The following FAM204A variants were observed in gnomAD, a reference collection of about 807,000 sequenced individuals.
The protein encoded by FAM204A is protein FAM204A.
FAM204A carries 16 observed loss-of-function variants against 35.4 expected under a neutral mutation model. That is an observed-to-expected ratio of 0.45 (90% CI 0.31 to 0.69). The LOEUF (loss-of-function observed/expected upper bound fraction) is 0.69. FAM204A is among the 30% of genes least tolerant of loss of function. The pLI is 0.07. For synonymous variants in FAM204A, 76 were observed against 86.9 expected, an observed-to-expected ratio of 0.88 and a Z score of 0.70; for missense variants, 240 against 265.7, an observed-to-expected ratio of 0.90 and a Z score of 0.67.
At chr10:118,311,639 C>T (rs1386911092) in intron 7 of FAM204A, among the ~76,000 whole-genome samples, 1 of 152,128 alleles carries the variant, frequency 6.6e-6, no homozygotes, top group Non-Finnish European at 1.5e-5. Context: ...GGAATTTACC[C>T]CTGATAAGGC....
rs1845786108 is a variant in FAM204A, at chr10:118,299,551, T to C, written c.*11306A>G. 6.6e-6 allele frequency: 1 copy of C among 151,948 alleles called. No individual in the cohort carries two copies. The highest frequency in any genetic ancestry group is 6.6e-5 in the Admixed American group (1 of 15,238). The allele number at this position is 151,948 out of a possible 1,614,324, so 9.4% of individuals were successfully genotyped here. A position where few individuals can be genotyped will look rare whatever the true frequency, so the allele number is the denominator to read the frequency against. On this transcript the variant is annotated 3_prime_UTR_variant, in exon 9 of 9. Coordinates refer to ENST00000369183, the MANE Select transcript of FAM204A (RefSeq NM_022063.3). ...GGGGTGTACCACCACATATGGCTAA[T>C]TTTTTATTTTTTGTAGTGATGAAGT...
chr10:118,315,639 C>T (rs923035361), intron 7 of FAM204A, among the ~76,000 whole-genome samples: 4 of 152,006 alleles, frequency 2.6e-5, no homozygotes, highest in Non-Finnish European at 5.9e-5. Flanking sequence ...ATTTTTATAT[C>T]AGTTTGGTCG....
In FAM204A at chr10:118,310,510, G is replaced by T; in HGVS notation, c.*347C>A. The T allele has an allele frequency of 2.2e-5, 4 of 182,928 alleles. No individual in the cohort carries two copies. The highest frequency in any genetic ancestry group is 1.3e-4 in the South Asian group (1 of 7,872). The allele number at this position is 182,928 out of a possible 1,614,324, so 11.3% of individuals were successfully genotyped here. On this transcript the variant is annotated 3_prime_UTR_variant, in exon 9 of 9. Transcript: ENST00000369183. ...TCTCAAAAAAAAAAAAAAAAAGAAA[G>T]AAAGTACGAGAAGCTCACTGGCTGT...
chr10:118,317,519 T>C (rs1846050549), intron 7 of FAM204A, among the ~76,000 whole-genome samples: 1 of 151,936 alleles, frequency 6.6e-6, no homozygotes, highest in South Asian at 2.1e-4. Context: ...AAAGAAAATA[T>C]CCTCAATGTA....
chr10:118,339,278 T>C (rs746497793), intron 2 of FAM204A, among the ~76,000 whole-genome samples: 17 of 152,148 alleles, frequency 1.1e-4, no homozygotes, highest in Non-Finnish European at 1.9e-4. Flanking sequence ...GATCAGCCAA[T>C]ATGGAGTGGC....
At chr10:118,326,387 T>C in intron 6 of FAM204A, 144 bp from the exon 7 acceptor site, 1 of 679,510 alleles carries the variant, frequency 1.5e-6, no homozygotes, top group Non-Finnish European at 2.5e-6. Context: ...GCTGCTACCA[T>C]TCCCATTAGT....
intron 7 of FAM204A, among the ~76,000 whole-genome samples, chr10:118,312,654 G>A (rs529182322): frequency 1.3e-3 from 204 of 152,262 alleles, no homozygotes; most frequent in African/African-American, 3.8e-3. Context: ...CTACGGTGCC[G>A]AATTGGTCAA....
intron 7 of FAM204A, among the ~76,000 whole-genome samples, chr10:118,320,442 C>T (rs1846095900): frequency 6.6e-6 from 1 of 151,644 alleles, no homozygotes; most frequent in African/African-American, 2.4e-5. Context: ...AAAGAAAGTA[C>T]CAAAGCGTGG....
intron 7 of FAM204A, among the ~76,000 whole-genome samples, chr10:118,312,430 A>G (rs942917564): frequency 6.6e-6 from 1 of 152,156 alleles, no homozygotes; most frequent in African/African-American, 2.4e-5. Context: ...ACGTGTAAGG[A>G]AAGAAGCAAA....
intron 7 of FAM204A, among the ~76,000 whole-genome samples, chr10:118,324,499 T>G (rs2133279303): frequency 6.6e-6 from 1 of 152,326 alleles, no homozygotes; most frequent in East Asian, 1.9e-4. Flanking sequence ...TGGAGTATTA[T>G]TCAGCCTTAA....
At chr10:118,329,476 CTT>C (rs1359485800) in intron 6 of FAM204A, among the ~76,000 whole-genome samples, 4 of 152,172 alleles carry the variant, frequency 2.6e-5, no homozygotes, top group Non-Finnish European at 4.4e-5. Flanking sequence ...ATGTGCTTCT[CTT>C]TGAAAAATAT....
chr10:118,316,740 CAT>C (rs775904323), intron 7 of FAM204A, among the ~76,000 whole-genome samples: 2 of 151,976 alleles, frequency 1.3e-5, no homozygotes, highest in Non-Finnish European at 2.9e-5. Flanking sequence ...ACATATCATT[CAT>C]ATATGTGTGT....
At chr10:118,313,835 T>A (rs1845990002) in intron 7 of FAM204A, among the ~76,000 whole-genome samples, 1 of 152,200 alleles carries the variant, frequency 6.6e-6, no homozygotes, top group Non-Finnish European at 1.5e-5. Context: ...TTTTTAAAAC[T>A]GTTGTCAATT....
In FAM204A at chr10:118,335,441, C is replaced by A; in HGVS notation, c.323-15G>T. The stretch of plus-strand genomic sequence containing the variant: ...CTTCAATTTATCTGAAAAGAATTCA[C>A]AAAGTGTCAATACCTAACTTCAGTA... On this transcript the variant is annotated splice_polypyrimidine_tract_variant and intron_variant, in intron 4 of 8. Transcript: ENST00000369183. 6.3e-7 allele frequency: 1 copy of A among 1,597,320 alleles called. No individual in the cohort carries two copies. Among genetic ancestry groups the A allele is most frequent in the East Asian group, 2.2e-5 (1 of 44,660 alleles).
intron 7 of FAM204A, chr10:118,322,211 C>T (rs1314075731): frequency 9.5e-6 from 3 of 317,168 alleles, no homozygotes; most frequent in Non-Finnish European, 2.0e-5. Context: ...AACATTTACA[C>T]AGTCTCAGAT....
chr10:118,335,358 A>G, intron 5 of FAM204A, 38 bp downstream of exon 5: 1 of 1,574,524 alleles, frequency 6.4e-7, no homozygotes, highest in South Asian at 1.2e-5. Flanking sequence ...AATTTCTACA[A>G]TGGCCTAAAA....
At chr10:118,320,179 G>A (rs1362926026) in intron 7 of FAM204A, among the ~76,000 whole-genome samples, 1 of 144,600 alleles carries the variant, frequency 6.9e-6, no homozygotes, top group Non-Finnish European at 1.5e-5. Context: ...GTAGTAAGCA[G>A]TTACTACTTT....
chr10:118,322,539 GAGGA>G (rs1415541044), intron 7 of FAM204A: 2 of 245,292 alleles, frequency 8.2e-6, no homozygotes, highest in Non-Finnish European at 1.7e-5. Context: ...AAGAAAAACT[GAGGA>G]ACCATTCCAG....
intron 6 of FAM204A, among the ~76,000 whole-genome samples, chr10:118,327,260 TGA>T (rs1186038893): frequency 6.6e-6 from 1 of 152,174 alleles, no homozygotes; most frequent in African/African-American, 2.4e-5. Context: ...GCCAATCAAC[TGA>T]GAGAATTTTG....
Sources: allele counts gnomAD v4.1 joint callset (sites outside exome capture counted in the v4.1 genomes callset), GRCh38; gene constraint gnomAD v4.1.1; transcripts MANE v1.5; gene names NCBI Gene and HGNC (gene_info 2026-07-23, HGNC 2026-07-21).